The following DIS3L2 variants were observed in gnomAD, a reference collection of about 807,000 sequenced individuals.
The protein encoded by DIS3L2 is DIS3-like exonuclease 2.
Under a neutral mutation model 97.5 loss-of-function variants are expected in DIS3L2, and 34 were observed. The ratio of observed to expected loss-of-function variants is 0.35; its 90% CI spans 0.27 to 0.46. The LOEUF (loss-of-function observed/expected upper bound fraction) is 0.46, where lower values mean the gene tolerates loss of function less well. Among genes scored for constraint, DIS3L2 ranks in the 20% least tolerant of loss-of-function variants. The probability of loss-of-function intolerance (pLI) is 1.00; values close to 1 mark genes in which losing one functional copy is unlikely to be tolerated. For synonymous variants in DIS3L2, 435 were observed against 445.2 expected, an observed-to-expected ratio of 0.98 and a Z score of 0.29; for missense variants, 1,038 against 1,146.0, an observed-to-expected ratio of 0.91 and a Z score of 1.36.
At chr2:232,316,306 G>A (rs771034053) in intron 14 of DIS3L2, among the ~76,000 whole-genome samples, 18 of 152,086 alleles carry the variant, frequency 1.2e-4, no homozygotes, top group Non-Finnish European at 1.9e-4. Context: ...TGTTCCTTAC[G>A]ATTATGTCCT....
chr2:232,018,779 G>T (rs1694425138), intron 3 of DIS3L2, among the ~76,000 whole-genome samples: 1 of 151,844 alleles, frequency 6.6e-6, no homozygotes, highest in Non-Finnish European at 1.5e-5. Flanking sequence ...CATTTCATTA[G>T]TATTTTTTCC....
At position 232,122,854 on chromosome 2, in the gene DIS3L2, A is replaced by G. The variant is rs149079487; in HGVS notation, c.602-7765A>G. Among the ~76,000 whole-genome samples the G allele has an allele frequency of 3.3e-4, 50 of 152,334 alleles. No homozygotes were observed. In the Middle Eastern group the frequency reaches 0.017, roughly 52 times the overall value. ...AACATAACTCATATAAACTATTTCCAGTGGGCAAAGGAGGAAATTCAGAGA... is the reference window on the plus strand; with the variant it reads ...AACATAACTCATATAAACTATTTCCGGTGGGCAAAGGAGGAAATTCAGAGA... On this transcript the variant is annotated intron_variant, in intron 6 of 20. Transcript: ENST00000325385.
At chr2:232,073,821 A>G (rs1226560909) in intron 5 of DIS3L2, among the ~76,000 whole-genome samples, 1 of 152,212 alleles carries the variant, frequency 6.6e-6, no homozygotes, top group African/African-American at 2.4e-5. Flanking sequence ...AACAGTTTTG[A>G]AGTGACCAGT....
intron 1 of DIS3L2, among the ~76,000 whole-genome samples, chr2:231,963,337 A>G (rs1198346292): frequency 6.6e-6 from 1 of 152,108 alleles, no homozygotes; most frequent in Non-Finnish European, 1.5e-5. Context: ...ATTAGTCATG[A>G]TCATGTTTTC....
At chr2:232,272,648 G>A (rs556762823) in intron 13 of DIS3L2, among the ~76,000 whole-genome samples, 12 of 152,252 alleles carry the variant, frequency 7.9e-5, no homozygotes, top group Admixed American at 3.3e-4. Flanking sequence ...TACTGATACC[G>A]TTTGGGTTAG....
intron 5 of DIS3L2, among the ~76,000 whole-genome samples, chr2:232,081,202 T>G (rs199604154): frequency 1.3e-5 from 2 of 152,182 alleles, no homozygotes; most frequent in Non-Finnish European, 2.9e-5. Flanking sequence ...CTTCCTGATA[T>G]AGTGAATCAG....
intron 1 of DIS3L2, among the ~76,000 whole-genome samples, chr2:231,964,981 G>A (rs1217993689): frequency 6.6e-6 from 1 of 152,140 alleles, no homozygotes; most frequent in Admixed American, 6.5e-5. Flanking sequence ...AAGAGTTTGG[G>A]AAATAGTTCC....
chr2:232,127,200 C>T (rs536382896), intron 6 of DIS3L2, among the ~76,000 whole-genome samples: 2 of 152,226 alleles, frequency 1.3e-5, no homozygotes, highest in East Asian at 3.9e-4. Context: ...TTTCTGAGTT[C>T]CAGACCTTCA....
chr2:232,226,999 C>CA (rs200341353), intron 10 of DIS3L2, among the ~76,000 whole-genome samples: 2,041 of 150,182 alleles, frequency 0.014, 48 homozygotes, highest in African/African-American at 0.046. Context: ...AAAACAAAAA[C>CA]AAAAAAAAAC....
chr2:232,312,454 G>C (rs993374384), intron 14 of DIS3L2, among the ~76,000 whole-genome samples: 43 of 152,078 alleles, frequency 2.8e-4, no homozygotes, highest in Non-Finnish European at 5.1e-4. Context: ...TGTGTCACTG[G>C]TTTATATATC....
At chr2:232,156,490 G>A (rs541521090) in intron 8 of DIS3L2, among the ~76,000 whole-genome samples, 2 of 150,406 alleles carry the variant, frequency 1.3e-5, no homozygotes, top group African/African-American at 4.9e-5. Context: ...CCTTTTAAAT[G>A]TGGGTTTTTT....
chr2:232,091,694 A>AG (rs1696841472), intron 6 of DIS3L2, among the ~76,000 whole-genome samples: 1 of 152,034 alleles, frequency 6.6e-6, no homozygotes, highest in African/African-American at 2.4e-5. Flanking sequence ...CTGGTATGGT[A>AG]GCTATTTCTA....
chr2:232,312,076 A>G lies in DIS3L2; in HGVS notation c.1739+11957A>G, dbSNP rs532892162. Reference sequence around the variant, plus strand: ...TTTTCTTCTTGATTTATAGTCCTCTATATTCTGGATATCAGTTCTTTGTTG... The same window carrying G: ...TTTTCTTCTTGATTTATAGTCCTCTGTATTCTGGATATCAGTTCTTTGTTG... On this transcript the variant is annotated intron_variant, in intron 14 of 20. Coordinates refer to ENST00000325385, the MANE Select transcript of DIS3L2 (RefSeq NM_152383.5). Among the ~76,000 whole-genome samples, 24 of 152,248 alleles carry G rather than the reference A, an allele frequency of 1.6e-4. 1 individual carries two copies. In the South Asian group the frequency reaches 4.6e-3, roughly 29 times the overall value.
intron 6 of DIS3L2, among the ~76,000 whole-genome samples, chr2:232,091,952 G>T (rs190386450): frequency 1.3e-5 from 2 of 152,076 alleles, no homozygotes; most frequent in Admixed American, 1.3e-4. Context: ...TGTCTTCCTC[G>T]CTCAAGAAGT....
At chr2:231,982,925 C>T (rs2106180707) in intron 1 of DIS3L2, among the ~76,000 whole-genome samples, 2 of 152,200 alleles carry the variant, frequency 1.3e-5, no homozygotes, top group African/African-American at 4.8e-5. Flanking sequence ...GATGATCCAC[C>T]CACCTCGGCC....
intron 13 of DIS3L2, among the ~76,000 whole-genome samples, chr2:232,264,817 G>A (rs968908994): frequency 6.6e-6 from 1 of 152,236 alleles, no homozygotes; most frequent in Non-Finnish European, 1.5e-5. Flanking sequence ...CTAGGGAGAA[G>A]TGGCTGCCAT....
intron 6 of DIS3L2, among the ~76,000 whole-genome samples, chr2:232,119,355 T>G (rs1201809657): frequency 6.6e-6 from 1 of 152,218 alleles, no homozygotes; most frequent in Non-Finnish European, 1.5e-5. Context: ...CGGACTTTAG[T>G]AAACACCATA....
intron 9 of DIS3L2, among the ~76,000 whole-genome samples, chr2:232,196,510 A>T (rs551884877): frequency 6.6e-6 from 1 of 152,060 alleles, no homozygotes; most frequent in African/African-American, 2.4e-5. Context: ...TTGAGAATAC[A>T]TTTTCCAGGC....
At chr2:232,258,792 T>C (rs1693638594) in intron 12 of DIS3L2, among the ~76,000 whole-genome samples, 3 of 152,162 alleles carry the variant, frequency 2.0e-5, no homozygotes. Flanking sequence ...TAATGAGGTG[T>C]TCCATACAGA....
Sources: gnomAD v4.1 joint callset for allele counts (sites outside exome capture counted in the v4.1 genomes callset) on GRCh38, gnomAD v4.1.1 for gene constraint, MANE v1.5 for transcripts, NCBI Gene and HGNC (gene_info 2026-07-23, HGNC 2026-07-21) for gene names.